Variants in RYR1 observed in about 807,000 individuals in gnomAD.
The protein encoded by RYR1 is central core disease of muscle.
A neutral mutation model predicts 583.5 loss-of-function variants in RYR1; 342 were observed. The ratio of observed to expected loss-of-function variants is 0.59; its 90% confidence interval spans 0.54 to 0.64. The LOEUF (loss-of-function observed/expected upper bound fraction) is 0.64. Among genes scored for constraint, RYR1 ranks in the 30% least tolerant of loss-of-function variants. RYR1 has a pLI of 0.00. For synonymous variants in RYR1, 2,791 were observed against 2,822.5 expected (o/e 0.99, Z 0.35); for missense variants, 6,032 against 6,917.2 (o/e 0.87, Z 4.54).
At chr19:38,585,369 G>GATATATATATATATATAT (rs3039200) in intron 102 of RYR1, among the ~76,000 whole-genome samples, 3 of 141,064 alleles carry the variant, frequency 2.1e-5, no homozygotes, top group African/African-American at 7.8e-5. Context: ...AAAGGCCTGA[G>GATATATATATATATATAT]ATATATATAT....
intron 89 of RYR1, 59 bp downstream of exon 89, chr19:38,548,479 T>G: frequency 5.9e-6 from 9 of 1,534,734 alleles, no homozygotes; most frequent in Non-Finnish European, 6.3e-6. Context: ...GGGCCAGCCA[T>G]ACCCTTCTGG....
intron 22 of RYR1, 146 bp downstream of exon 22, chr19:38,463,996 G>A: frequency 1.4e-6 from 1 of 707,200 alleles, no homozygotes; most frequent in South Asian, 1.6e-5. Context: ...ATGGGGAGTG[G>A]CCGGGCACGG....
chr19:38,577,535 G>A (rs774788191), intron 97 of RYR1, among the ~76,000 whole-genome samples: 1 of 152,064 alleles, frequency 6.6e-6, no homozygotes, highest in South Asian at 2.1e-4. Flanking sequence ...GGTGGCTCAC[G>A]CCTGTAATCC....
Position 38,478,385 on chromosome 19 carries a change from T to C in RYR1, c.4455-50T>C, listed in dbSNP as rs1269705019. 4 of 1,602,864 alleles carry C rather than the reference T, an allele frequency of 2.5e-6. No homozygotes were observed. In the Admixed American group the frequency reaches 6.7e-5, roughly 27 times the overall value. On this transcript the variant is annotated intron_variant, in intron 30 of 105. Transcript: ENST00000359596. ...AGCTTGGGGAAGGGGGTGTCCAGGG[T>C]CCAGAGCTACTCACATGAGGAGTGC...
rs1967505186 is a variant in RYR1, at chr19:38,457,971, GTC to G, written c.1926-72_1926-71del. 5 of 1,443,024 alleles carry G rather than the reference GTC, an allele frequency of 3.5e-6. No homozygotes were observed. The Admixed American group carries it at 6.7e-5, about 19-fold the overall frequency. 89.4% of individuals were successfully genotyped at this position (1,443,024 alleles called of 1,614,324 possible). A position where few individuals can be genotyped will look rare whatever the true frequency, so the allele number is the denominator to read the frequency against. ...TCTCTCTCTCTGTCTTTGGATGTCT[GTC>G]TCTCTCTGGCTTCCCACCACTTGGC... On this transcript the variant is annotated intron_variant, in intron 17 of 105. Transcript: ENST00000359596.
rs1969989609 is a variant in RYR1 at position 38,499,321 on chromosome 19, A to G, written c.7027+78A>G. On this transcript the variant is annotated intron_variant, in intron 43 of 105. Transcript: ENST00000359596. This position sits in a 1 kb window ranked among gnomAD's most constrained non-coding sequence, Gnocchi z 7.3. ...CACCTCCCTCGAGATGACTGCTCGCACCCTGAGCCACAGATGGGGTCCAGG... is the reference window on the plus strand; with the variant it reads ...CACCTCCCTCGAGATGACTGCTCGCGCCCTGAGCCACAGATGGGGTCCAGG... The G allele has an allele frequency of 6.2e-7, 1 of 1,603,412 alleles. No individual in the cohort carries two copies. Among genetic ancestry groups the G allele is most frequent in the African/African-American group, 1.3e-5 (1 of 74,714 alleles).
intron 105 of RYR1, 136 bp from the exon 106 acceptor site, chr19:38,587,189 C>T: frequency 1.5e-6 from 1 of 688,018 alleles, no homozygotes; most frequent in South Asian, 1.6e-5. Context: ...AGCCAGGAGG[C>T]TGTAGTGAGC....
Position 38,458,119 on chromosome 19 carries a change from T to C in RYR1, c.1994T>C (p.Val665Ala), listed in dbSNP as rs1447002274. The C allele has an allele frequency of 1.2e-6, 2 of 1,613,772 alleles. No individual in the cohort carries two copies. Among genetic ancestry groups the C allele is most frequent in the Non-Finnish European group, 1.7e-6 (2 of 1,179,986 alleles). The part of the protein sequence containing the change: ...TTQYSKWYFE[V>A]MVDEVTPFLT... ...CAGTACAGCAAATGGTACTTTGAGG[T>C]GATGGTGGACGAGGTGACTCCATTT... The change falls in exon 18 of 106, where the codon GTG (valine) becomes GCG (alanine). Residue 665 changes from valine (V) to alanine (A), a missense_variant. By Grantham distance (64) the Val-to-Ala change is moderately conservative (BLOSUM62 0). Transcript: ENST00000359596.
chr19:38,445,780 G>T (rs11083458), intron 7 of RYR1, among the ~76,000 whole-genome samples: 1 of 151,846 alleles, frequency 6.6e-6, no homozygotes, highest in Non-Finnish European at 1.5e-5. Context: ...CTTGAGATCA[G>T]GAGTTCGAGA....
rs1486863767 is a variant in RYR1, at chr19:38,511,552, T to C, written c.9123-9T>C. On this transcript the variant is annotated splice_polypyrimidine_tract_variant and intron_variant, in intron 60 of 105. Coordinates refer to ENST00000359596, the MANE Select transcript of RYR1 (RefSeq NM_000540.3). ...TTCTCCTGCCTTCTGTCCCTTTCTCTTTCTTCAGCCTCTTCTGCAAACTTG... is the reference window on the plus strand; with the variant it reads ...TTCTCCTGCCTTCTGTCCCTTTCTCCTTCTTCAGCCTCTTCTGCAAACTTG... 6.2e-7 allele frequency: 1 copy of C among 1,613,810 alleles called. No individual in the cohort carries two copies. The highest frequency in any genetic ancestry group is 1.3e-5 in the African/African-American group (1 of 75,036).
chr19:38,491,295 T>C (rs1377776375), intron 37 of RYR1, among the ~76,000 whole-genome samples: 1 of 152,202 alleles, frequency 6.6e-6, no homozygotes, highest in African/African-American at 2.4e-5. Context: ...ACTTACTTTT[T>C]ATCAAAGTTG....
Position 38,527,792 on chromosome 19 carries a change from G to A in RYR1, c.10824+8G>A, listed in dbSNP as rs374325589. 314 of 1,613,864 alleles carry A rather than the reference G, an allele frequency of 1.9e-4. No homozygotes were observed. The highest frequency in any genetic ancestry group is 2.4e-4 in the Non-Finnish European group (280 of 1,179,958). ...CTCTACTACCTGGACCAGGTGGGTGGGGCCGGAGGGGTCTTTCTACTGGGT... is the reference window on the plus strand; with the variant it reads ...CTCTACTACCTGGACCAGGTGGGTGAGGCCGGAGGGGTCTTTCTACTGGGT... On this transcript the variant is annotated splice_region_variant and intron_variant, in intron 73 of 105. Transcript: ENST00000359596.
rs1389975167 is a variant in RYR1 at position 38,500,340 on chromosome 19, T to C, written c.7324-266T>C. Among the ~76,000 whole-genome samples, 1 of 39,322 alleles carries C rather than the reference T, an allele frequency of 2.5e-5. No individual in the cohort carries two copies. The highest frequency in any genetic ancestry group is 3.2e-4 in the Admixed American group (1 of 3,170). 25.8% of individuals were successfully genotyped at this position (39,322 alleles called of 152,430 possible). A position where few individuals can be genotyped will look rare whatever the true frequency, so the allele number is the denominator to read the frequency against. ...GGGAACACAGGGAGAGGGGTCAGGA[T>C]GGGGATGGGGTCACAGGGATAGGGG... On this transcript the variant is annotated intron_variant, in intron 45 of 105. Transcript: ENST00000359596. The surrounding 1 kb of genome is among the most constrained non-coding windows in gnomAD (Gnocchi z 5.9).
At position 38,534,702 on chromosome 19, in the gene RYR1, G is replaced by A. The variant is rs1166554557; in HGVS notation, c.11260-18G>A. ...GGAAAGCCTGGACTTGCCTTCATGT[G>A]TCTGCCTCCCTTCCCAGGAGAAACA... On this transcript the variant is annotated intron_variant, in intron 78 of 105. Transcript: ENST00000359596. 4.3e-6 allele frequency: 7 copies of A among 1,609,858 alleles called. No homozygotes were observed. The highest frequency in any genetic ancestry group is 5.1e-6 in the Non-Finnish European group (6 of 1,177,500).
chr19:38,535,116 A>G (rs751111774), intron 79 of RYR1, 25 bp from the exon 80 acceptor site: 17 of 1,610,676 alleles, frequency 1.1e-5, no homozygotes, highest in Admixed American at 1.7e-5. Flanking sequence ...TGGGTGGACC[A>G]TCTTTTTTCT....
At chr19:38,485,365 C>G (rs890019836) in intron 33 of RYR1, among the ~76,000 whole-genome samples, 1 of 152,188 alleles carries the variant, frequency 6.6e-6, no homozygotes, top group African/African-American at 2.4e-5. Flanking sequence ...CCTGCTGCAG[C>G]CTTCGACACT....
Position 38,469,140 on chromosome 19 carries a change from G to T in RYR1, c.3556G>T (p.Gly1186Cys). The change falls in exon 26 of 106, where the codon GGC (glycine) becomes TGC (cysteine). Residue 1186 changes from glycine (G) to cysteine (C), a missense_variant and splice_region_variant. This residue lies in a region of RYR1 where 2,627 missense variants were observed against 2,961.3 expected (regional missense o/e 0.89). Transcript: ENST00000359596. ...CTTCCGGGAGATTGAGATTGGGGAC[G>T]GTGAGGGCTGAGACCCCTTCACATG... ...TAFREIEIGD[G>C]FLPVCSLGPG... 2 of 1,614,068 alleles carry T rather than the reference G, an allele frequency of 1.2e-6. No individual in the cohort carries two copies. Among genetic ancestry groups the T allele is most frequent in the Non-Finnish European group, 1.7e-6 (2 of 1,180,012 alleles).
At chr19:38,585,858 C>G in intron 102 of RYR1, 80 bp from the exon 103 acceptor site, 1 of 1,541,184 alleles carries the variant, frequency 6.5e-7, no homozygotes, top group Middle Eastern at 1.7e-4. Context: ...GGAGGGCAAG[C>G]CCTGGAGGTA....
intron 97 of RYR1, among the ~76,000 whole-genome samples, chr19:38,577,255 C>T (rs892852302): frequency 3.5e-4 from 53 of 152,200 alleles, no homozygotes; most frequent in African/African-American, 1.3e-3. Context: ...GGTAATAATA[C>T]GGCCAACCCT....
Sources: allele counts gnomAD v4.1 joint callset (sites outside exome capture counted in the v4.1 genomes callset), GRCh38; gene constraint gnomAD v4.1.1; regional missense constraint gnomAD v4.1.1; non-coding constraint Gnocchi (gnomAD v3.1); transcripts MANE v1.5; gene names NCBI Gene and HGNC (gene_info 2026-07-23, HGNC 2026-07-21).